PPP1R14D: variants seen among roughly 807,000 people sequenced by gnomAD.
PPP1R14D encodes the protein protein phosphatase 1 regulatory subunit 14D.
In PPP1R14D, 14 loss-of-function variants were observed where a neutral mutation model predicts 17.1. The observed-to-expected ratio is 0.82, with a 90% CI of 0.54 to 1.28. The LOEUF is 1.28. PPP1R14D is among the 50% of genes most tolerant of loss of function. PPP1R14D has a pLI of 0.00. For missense variants in PPP1R14D, 173 were observed against 179.2 expected, an observed-to-expected ratio of 0.97 and a Z score of 0.20; for synonymous variants, 67 against 66.1, an observed-to-expected ratio of 1.01 and a Z score of -0.06.
At chr15:40,816,353 G>A (rs1890664155) in intron 1 of PPP1R14D, 100 bp from the exon 2 acceptor site, 3 of 934,196 alleles carry the variant, frequency 3.2e-6, no homozygotes, top group South Asian at 1.4e-5. Context: ...AATTTCCCAT[G>A]GTTAGACTTT....
At chr15:40,824,139 A>G (rs1013034095) in intron 1 of PPP1R14D, among the ~76,000 whole-genome samples, 2 of 152,250 alleles carry the variant, frequency 1.3e-5, no homozygotes, top group Middle Eastern at 3.4e-3. Context: ...TACTGAGATG[A>G]ACAAGTGTGA....
intron 3 of PPP1R14D, 69 bp downstream of exon 3, chr15:40,815,893 T>TA: frequency 6.8e-7 from 1 of 1,479,888 alleles, no homozygotes; most frequent in Non-Finnish European, 9.1e-7. Context: ...TCCCTTCAAA[T>TA]ACTCCTCATT....
At chr15:40,817,612 CTTT>C (rs34000020) in intron 1 of PPP1R14D, among the ~76,000 whole-genome samples, 18 of 124,216 alleles carry the variant, frequency 1.4e-4, no homozygotes, top group Admixed American at 1.6e-4. Context: ...CAAAACTAAA[CTTT>C]TTTTTTTTTT....
chr15:40,819,145 ACTTT>A (rs1187933758), intron 1 of PPP1R14D, among the ~76,000 whole-genome samples: 1 of 152,168 alleles, frequency 6.6e-6, no homozygotes, highest in African/African-American at 2.4e-5. Flanking sequence ...GATGAAGAGG[ACTTT>A]CTTAAGTGAA....
At chr15:40,824,785 G>A (rs778609356) in intron 1 of PPP1R14D, among the ~76,000 whole-genome samples, 7 of 152,152 alleles carry the variant, frequency 4.6e-5, no homozygotes, top group Non-Finnish European at 8.8e-5. Flanking sequence ...AAAACTCTGG[G>A]ATGGTCAACA....
At chr15:40,828,218 G>A (rs1335691928) in intron 1 of PPP1R14D, among the ~76,000 whole-genome samples, 169 bp downstream of exon 1, 1 of 152,168 alleles carries the variant, frequency 6.6e-6, no homozygotes, top group African/African-American at 2.4e-5. Context: ...CAAGCCTAGA[G>A]GGAGGCAGAC....
At chr15:40,819,538 CAAA>C (rs201466372) in intron 1 of PPP1R14D, among the ~76,000 whole-genome samples, 3 of 117,240 alleles carry the variant, frequency 2.6e-5, no homozygotes, top group Non-Finnish European at 5.6e-5. Context: ...CTCTCTTTCT[CAAA>C]AAAAAAAAAA....
At position 40,822,075 on chromosome 15, in the gene PPP1R14D, C is replaced by T. The variant is rs184669980; in HGVS notation, c.256-5822G>A. On this transcript the variant is annotated intron_variant, in intron 1 of 3. Transcript: ENST00000299174. ...GGAGGATTGCTTAAGTTCAGGAGTT[C>T]GAGACCAGCCTGGGCAACATGGCAG... Among the ~76,000 whole-genome samples the T allele has an allele frequency of 3.2e-3, 485 of 151,954 alleles. 2 individuals carry two copies. The highest frequency in any genetic ancestry group is 7.5e-3 in the Admixed American group (114 of 15,258).
chr15:40,818,474 G>A (rs189265508), intron 1 of PPP1R14D, among the ~76,000 whole-genome samples: 96 of 152,194 alleles, frequency 6.3e-4, no homozygotes, highest in African/African-American at 2.2e-3. Flanking sequence ...AAGCCAGGAA[G>A]AGTCATCGAG....
rs1890823140 is a variant in PPP1R14D, at chr15:40,823,713, T to TATAG, written c.255+4673_255+4674insCTAT. ...TAATAGCTACACCATATAGCCTACA[T>TATAG]GTGTGGTAGGCTATACCATCTAGGT... On this transcript the variant is annotated intron_variant, in intron 1 of 3. Transcript: ENST00000299174. 2.0e-5 allele frequency among the ~76,000 whole-genome samples: 3 copies of TATAG among 152,312 alleles called. No individual in the cohort carries two copies. The East Asian group carries it at 5.8e-4, about 29-fold the overall frequency.
chr15:40,821,445 A>G (rs890744974), intron 1 of PPP1R14D, among the ~76,000 whole-genome samples: 8 of 150,504 alleles, frequency 5.3e-5, no homozygotes, highest in Non-Finnish European at 1.0e-4. Context: ...ACTGTGGGGA[A>G]AAAAAAAAGG....
At chr15:40,817,199 A>G in intron 1 of PPP1R14D, 1 of 285,994 alleles carries the variant, frequency 3.5e-6, no homozygotes, top group South Asian at 2.6e-5. Flanking sequence ...TCTACTGAAT[A>G]TACAAAAATT....
intron 1 of PPP1R14D, among the ~76,000 whole-genome samples, chr15:40,824,318 T>A (rs10162812): frequency 0.052 from 7,925 of 152,016 alleles, 446 homozygotes; most frequent in African/African-American, 0.14. Context: ...TTCCTTTTTT[T>A]ATAGAGGCAA....
chr15:40,816,135 A>G, intron 2 of PPP1R14D, 35 bp downstream of exon 2: 4 of 1,609,778 alleles, frequency 2.5e-6, no homozygotes, highest in Non-Finnish European at 3.4e-6. Flanking sequence ...CTGGGTTCCC[A>G]CTGACCCAAG....
At chr15:40,821,215 T>A (rs1228631820) in intron 1 of PPP1R14D, among the ~76,000 whole-genome samples, 1 of 151,568 alleles carries the variant, frequency 6.6e-6, no homozygotes, top group African/African-American at 2.4e-5. Context: ...ATGCCTGTAA[T>A]CCCAGCTACT....
chr15:40,817,677 T>C (rs144984874), intron 1 of PPP1R14D, among the ~76,000 whole-genome samples: 2,526 of 150,738 alleles, frequency 0.017, 34 homozygotes, highest in Non-Finnish European at 0.022. Context: ...TGCAGTGGCA[T>C]GATCAAGGCT....
At chr15:40,828,226 G>T (rs1326216524) in intron 1 of PPP1R14D, among the ~76,000 whole-genome samples, 161 bp downstream of exon 1, 1 of 152,190 alleles carries the variant, frequency 6.6e-6, no homozygotes, top group African/African-American at 2.4e-5. Context: ...GAGGGAGGCA[G>T]ACTTCTGGAC....
Position 40,816,270 on chromosome 15 carries a change from T to C in PPP1R14D, c.256-17A>G, listed in dbSNP as rs755733850. ...TGCTTGATCCTATTTGGAAATCACA[T>C]GGGTCTCAGAGGGGCCTGACCAGCT... On this transcript the variant is annotated splice_polypyrimidine_tract_variant and intron_variant, in intron 1 of 3. Coordinates refer to ENST00000299174, the MANE Select transcript of PPP1R14D (RefSeq NM_017726.8). The C allele has an allele frequency of 6.2e-7, 1 of 1,609,460 alleles. No individual in the cohort carries two copies. Among genetic ancestry groups the C allele is most frequent in the Admixed American group, 1.7e-5 (1 of 60,002 alleles).
chr15:40,818,421 C>T (rs1157801299), intron 1 of PPP1R14D, among the ~76,000 whole-genome samples: 1 of 151,670 alleles, frequency 6.6e-6, no homozygotes, highest in Non-Finnish European at 1.5e-5. Context: ...CTGGTATGTC[C>T]AGAGAATGGA....
Sources: allele counts gnomAD v4.1 joint callset (sites outside exome capture counted in the v4.1 genomes callset), GRCh38; gene constraint gnomAD v4.1.1; transcripts MANE v1.5; gene names NCBI Gene and HGNC (gene_info 2026-07-23, HGNC 2026-07-21).